RNF144B: variants seen among roughly 807,000 people sequenced by gnomAD.
RNF144B encodes ring finger protein 144B.
Under a neutral mutation model 40.2 loss-of-function variants are expected in RNF144B, and 25 were observed. The observed-to-expected ratio is 0.62, with a 90% CI of 0.45 to 0.87. The LOEUF (loss-of-function observed/expected upper bound fraction) is 0.87. RNF144B is among the 40% of genes least tolerant of loss of function. The pLI is 0.00. For missense variants in RNF144B, 365 were observed against 373.7 expected, an observed-to-expected ratio of 0.98 and a Z score of 0.19; for synonymous variants, 145 against 136.3, an observed-to-expected ratio of 1.06 and a Z score of -0.44.
intron 1 of RNF144B, among the ~76,000 whole-genome samples, chr6:18,393,737 C>A (rs530883392): frequency 2.0e-5 from 3 of 152,084 alleles, no homozygotes; most frequent in Non-Finnish European, 4.4e-5. Context: ...ATTAGCTTCC[C>A]GAGAATATGT....
In RNF144B at chr6:18,467,566, C is replaced by T. The variant is rs566523865; in HGVS notation, c.*2499C>T. On this transcript the variant is annotated 3_prime_UTR_variant, in exon 8 of 8. Transcript: ENST00000259939. Reference sequence around the variant, plus strand: ...AATCAACAAAACTAGGTTGGTTAAACATATCTCTGGTACATCAAGGGGCAT... The same window carrying T: ...AATCAACAAAACTAGGTTGGTTAAATATATCTCTGGTACATCAAGGGGCAT... The T allele has an allele frequency of 6.6e-5, 10 of 151,816 alleles. No homozygotes were observed. Among genetic ancestry groups the T allele is most frequent in the Non-Finnish European group, 1.5e-4 (10 of 67,964 alleles). 9.4% of individuals were successfully genotyped at this position (151,816 alleles called of 1,614,324 possible). A position where few individuals can be genotyped will look rare whatever the true frequency, so the allele number is the denominator to read the frequency against.
intron 3 of RNF144B, among the ~76,000 whole-genome samples, chr6:18,436,498 A>T (rs1758826502): frequency 6.6e-6 from 1 of 152,166 alleles, no homozygotes; most frequent in South Asian, 2.1e-4. Context: ...TTAGCAACTA[A>T]ATTTAGAAAG....
At chr6:18,389,250 T>C (rs567316700) in intron 1 of RNF144B, among the ~76,000 whole-genome samples, 17 of 152,320 alleles carry the variant, frequency 1.1e-4, no homozygotes, top group African/African-American at 3.6e-4. Flanking sequence ...CCAAACTAGG[T>C]CAGCTTAAGA....
Position 18,463,470 on chromosome 6 carries a change from T to TG in RNF144B, c.771+93dup, listed in dbSNP as rs1215650677. The TG allele has an allele frequency of 1.4e-5, 11 of 794,326 alleles. No individual in the cohort carries two copies. In the African/African-American group the frequency reaches 1.9e-4, roughly 13 times the overall value. 49.2% of individuals were successfully genotyped at this position (794,326 alleles called of 1,614,324 possible). ...TTCGCCTTTCCTCATTATTCCCTCC[T>TG]GGGAGGTACCATCCCAGCCTGGGAG... On this transcript the variant is annotated intron_variant, in intron 7 of 7. Coordinates refer to ENST00000259939, the MANE Select transcript of RNF144B (RefSeq NM_182757.4).
chr6:18,449,822 A>G (rs758309938), intron 4 of RNF144B, among the ~76,000 whole-genome samples: 2 of 152,168 alleles, frequency 1.3e-5, no homozygotes, highest in African/African-American at 4.8e-5. Flanking sequence ...TCAAGAATGT[A>G]ATATATTAAG....
intron 1 of RNF144B, among the ~76,000 whole-genome samples, chr6:18,390,821 A>C (rs538250398): frequency 6.6e-6 from 1 of 152,346 alleles, no homozygotes; most frequent in East Asian, 1.9e-4. Context: ...AATAAGTAGG[A>C]GCTGGGTTTA....
intron 7 of RNF144B, 47 bp downstream of exon 7, chr6:18,463,427 G>A (rs763060258): frequency 1.9e-6 from 2 of 1,069,208 alleles, no homozygotes; most frequent in Admixed American, 1.7e-5. Flanking sequence ...AATCGTGATG[G>A]CTTAAAGAGC....
rs1466971220 is a variant in RNF144B at position 18,460,284 on chromosome 6, C to G, written c.681+533C>G. 7.9e-5 allele frequency among the ~76,000 whole-genome samples: 12 copies of G among 152,190 alleles called. No individual in the cohort carries two copies. Among genetic ancestry groups the G allele is most frequent in the Non-Finnish European group, 1.5e-5 (1 of 68,046 alleles). On this transcript the variant is annotated intron_variant, in intron 6 of 7. Coordinates refer to ENST00000259939, the MANE Select transcript of RNF144B (RefSeq NM_182757.4). The surrounding 1 kb of genome is among the most constrained non-coding windows in gnomAD (Gnocchi z 4.4). ...CTTCAAAGCCAGCAACATCAGATCT[C>G]TCACTCCCTTCTTTCTTAGTCGTTG...
Position 18,400,080 on chromosome 6 carries a change from G to C in RNF144B, c.165+381G>C, listed in dbSNP as rs1480845740. Among the ~76,000 whole-genome samples, 1 of 152,020 alleles carries C rather than the reference G, an allele frequency of 6.6e-6. No homozygotes were observed. The highest frequency in any genetic ancestry group is 1.5e-5 in the Non-Finnish European group (1 of 68,012). On this transcript the variant is annotated intron_variant, in intron 2 of 7. Transcript: ENST00000259939. This position sits in a 1 kb window ranked among gnomAD's most constrained non-coding sequence, Gnocchi z 5.6. ...AGGTCAGAAGATCGAGACCATCCTA[G>C]CTAACATGGTAAAACCCCGTCTCTA...
intron 3 of RNF144B, among the ~76,000 whole-genome samples, chr6:18,435,457 C>T (rs1455076100): frequency 6.6e-6 from 1 of 151,866 alleles, no homozygotes; most frequent in East Asian, 1.9e-4. Flanking sequence ...ATTTTAATCA[C>T]CAAGTACAAA....
At chr6:18,455,892 G>GT (rs1375527670) in intron 4 of RNF144B, among the ~76,000 whole-genome samples, 10 of 151,588 alleles carry the variant, frequency 6.6e-5, no homozygotes, top group East Asian at 5.8e-4. Flanking sequence ...ACATGTGGGG[G>GT]TTTTTTTTGT....
chr6:18,455,441 T>C (rs1447263520), intron 4 of RNF144B, among the ~76,000 whole-genome samples: 3 of 152,238 alleles, frequency 2.0e-5, no homozygotes, highest in Non-Finnish European at 4.4e-5. Flanking sequence ...CTCCTTGATA[T>C]TGAATGTGTA....
intron 1 of RNF144B, among the ~76,000 whole-genome samples, chr6:18,387,858 C>T (rs1794492863): frequency 6.6e-6 from 1 of 152,176 alleles, no homozygotes; most frequent in African/African-American, 2.4e-5. Flanking sequence ...TCTAATAAAA[C>T]AGTTTCTATA....
rs1186666289 is a variant in RNF144B, at chr6:18,400,987, G to C, written c.165+1288G>C. ...AGCAACTTCAGTTTCCTTTGGTCTT[G>C]CTTTGTTTCTGAAGGCTGTCCTTCA... is the stretch of plus-strand genomic sequence containing the variant. On this transcript the variant is annotated intron_variant, in intron 2 of 7. Transcript: ENST00000259939. The surrounding 1 kb of genome is among the most constrained non-coding windows in gnomAD (Gnocchi z 5.6). 2.6e-5 allele frequency among the ~76,000 whole-genome samples: 4 copies of C among 152,156 alleles called. No individual in the cohort carries two copies. Among genetic ancestry groups the C allele is most frequent in the Non-Finnish European group, 1.5e-5 (1 of 68,036 alleles).
At chr6:18,455,506 C>T (rs1430939798) in intron 4 of RNF144B, among the ~76,000 whole-genome samples, 2 of 152,070 alleles carry the variant, frequency 1.3e-5, no homozygotes, top group East Asian at 3.9e-4. Flanking sequence ...TTTCTTTTTG[C>T]ACCATCCTTT....
rs888433256 is a variant in RNF144B at position 18,450,265 on chromosome 6, C to T, written c.332-6890C>T. Among the ~76,000 whole-genome samples, 1 of 150,002 alleles carries T rather than the reference C, an allele frequency of 6.7e-6. No homozygotes were observed. Among genetic ancestry groups the T allele is most frequent in the African/African-American group, 2.5e-5 (1 of 40,806 alleles). On this transcript the variant is annotated intron_variant, in intron 4 of 7. Transcript: ENST00000259939. The surrounding 1 kb of genome is among the most constrained non-coding windows in gnomAD (Gnocchi z 4.7). ...TGAGGTGTTGGTAAACAGTCTTTGGCGGGATGAGGGGAACAACTCTGATTT... is the reference window on the plus strand; with the variant it reads ...TGAGGTGTTGGTAAACAGTCTTTGGTGGGATGAGGGGAACAACTCTGATTT...
Position 18,399,617 on chromosome 6 carries a change from T to C in RNF144B, c.83T>C (p.Ile28Thr). ...TPGDLAPAPL[I>T]TCKLCLCEQS... ...GGAGACCTGGCTCCGGCCCCCCTCA[T>C]CACTTGCAAACTCTGCCTGTGTGAG... Residue 28 changes from isoleucine (I) to threonine (T), a missense_variant, in exon 2 of 8, where the codon ATC becomes ACC. Physicochemically the swap from Ile to Thr is moderately conservative, Grantham distance 89. Coordinates refer to ENST00000259939, the MANE Select transcript of RNF144B (RefSeq NM_182757.4). 6.2e-7 allele frequency: 1 copy of C among 1,614,136 alleles called. No individual in the cohort carries two copies. Among genetic ancestry groups the C allele is most frequent in the Non-Finnish European group, 8.5e-7 (1 of 1,180,016 alleles).
At chr6:18,413,543 CAG>C (rs1399946895) in intron 2 of RNF144B, among the ~76,000 whole-genome samples, 3 of 152,182 alleles carry the variant, frequency 2.0e-5, no homozygotes, top group Non-Finnish European at 4.4e-5. Context: ...CCGAGACATT[CAG>C]AGGTCTGATT....
chr6:18,387,931 A>C (rs1201920825), intron 1 of RNF144B, among the ~76,000 whole-genome samples: 1 of 152,214 alleles, frequency 6.6e-6, no homozygotes, highest in Admixed American at 6.5e-5. Flanking sequence ...AGGGGAGACC[A>C]AAAGTTGGCA....
Sources: gnomAD v4.1 joint callset for allele counts (sites outside exome capture counted in the v4.1 genomes callset) on GRCh38, gnomAD v4.1.1 for gene constraint, Gnocchi (gnomAD v3.1) non-coding constraint, MANE v1.5 for transcripts, NCBI Gene and HGNC (gene_info 2026-07-23, HGNC 2026-07-21) for gene names.